The following PDE10A variants were observed in gnomAD, a reference collection of about 807,000 sequenced individuals.
The protein encoded by PDE10A is phosphodiesterase 10A, also known as cAMP and cAMP-inhibited cGMP 3',5'-cyclic phosphodiesterase 10A.
Under a neutral mutation model 97.7 loss-of-function variants are expected in PDE10A, and 39 were observed. That is an observed-to-expected ratio of 0.40 (90% CI 0.31 to 0.52). The LOEUF (loss-of-function observed/expected upper bound fraction) is 0.52. Ranked by LOEUF, PDE10A falls within the 20% of genes least tolerant of loss-of-function variation. The pLI is 0.56. For synonymous variants in PDE10A, 371 were observed against 376.8 expected (o/e 0.98, Z 0.18); for missense variants, 731 against 1,047.8 (o/e 0.70, Z 4.17).
At chr6:165,440,044 CA>C (rs1790316049) in intron 5 of PDE10A, among the ~76,000 whole-genome samples, 1 of 152,054 alleles carries the variant, frequency 6.6e-6, no homozygotes, top group African/African-American at 2.4e-5. Flanking sequence ...ATTTTGGAAA[CA>C]CTTCTTAAGA....
intron 1 of PDE10A, among the ~76,000 whole-genome samples, chr6:165,803,652 T>C (rs1779041380): frequency 6.6e-6 from 1 of 152,226 alleles, no homozygotes; most frequent in African/African-American, 2.4e-5. Context: ...GAGTGATGTC[T>C]CTGAGACAGT....
intron 15 of PDE10A, among the ~76,000 whole-genome samples, chr6:165,394,800 G>A (rs944929644): frequency 2.0e-5 from 3 of 152,054 alleles, no homozygotes; most frequent in Non-Finnish European, 4.4e-5. Context: ...GTTTTGATTT[G>A]CATTTCTCTA....
At chr6:165,592,446 C>A (rs1786333613) in intron 1 of PDE10A, among the ~76,000 whole-genome samples, 1 of 152,118 alleles carries the variant, frequency 6.6e-6, no homozygotes, top group Non-Finnish European at 1.5e-5. Context: ...CCAAAATTGA[C>A]AAATGGGATC....
chr6:165,932,811 CG>C (rs1387206192), intron 1 of PDE10A, among the ~76,000 whole-genome samples: 2 of 152,196 alleles, frequency 1.3e-5, no homozygotes, highest in Non-Finnish European at 2.9e-5. Flanking sequence ...TATGAGTTTC[CG>C]GGGGGCTTAG....
intron 2 of PDE10A, among the ~76,000 whole-genome samples, chr6:165,490,639 C>T (rs989375928): frequency 3.9e-5 from 6 of 152,162 alleles, no homozygotes; most frequent in Non-Finnish European, 5.9e-5. Context: ...AAATGTTCCA[C>T]TTAAAAGACA....
chr6:165,939,518 A>G (rs192254976), intron 1 of PDE10A: 21 of 152,102 alleles, frequency 1.4e-4, no homozygotes, highest in Admixed American at 5.2e-4. Flanking sequence ...TTTTATTTCA[A>G]TGGTTTTTGG....
intron 18 of PDE10A, among the ~76,000 whole-genome samples, chr6:165,359,849 C>T (rs1170633843): frequency 6.6e-6 from 1 of 152,014 alleles, no homozygotes; most frequent in Non-Finnish European, 1.5e-5. Context: ...AACGTAAACT[C>T]ATCCCAGTTT....
chr6:165,358,887 A>T (rs1783205952), intron 18 of PDE10A, among the ~76,000 whole-genome samples: 1 of 151,502 alleles, frequency 6.6e-6, no homozygotes, highest in Non-Finnish European at 1.5e-5. Context: ...AAAAAGAGCA[A>T]ATCTCTTTTT....
intron 1 of PDE10A, among the ~76,000 whole-genome samples, chr6:165,570,772 A>G (rs1785011983): frequency 6.6e-6 from 1 of 152,240 alleles, no homozygotes. Flanking sequence ...TAGTAATTAC[A>G]GTCGATTATT....
chr6:165,547,405 C>T (rs2128326472), intron 1 of PDE10A, among the ~76,000 whole-genome samples: 1 of 152,198 alleles, frequency 6.6e-6, no homozygotes, highest in East Asian at 1.9e-4. Flanking sequence ...TTAATTTTCG[C>T]AGTGCAATCT....
chr6:165,336,001 C>T (rs916333524), intron 21 of PDE10A, 122 bp downstream of exon 21: 7 of 803,692 alleles, frequency 8.7e-6, no homozygotes, highest in Non-Finnish European at 1.5e-5. Context: ...AGTCCCTGAG[C>T]ACAACAACTC....
intron 2 of PDE10A, among the ~76,000 whole-genome samples, chr6:165,499,616 T>C (rs1780749085): frequency 6.6e-6 from 1 of 152,204 alleles, no homozygotes; most frequent in Non-Finnish European, 1.5e-5. Flanking sequence ...CAATGAATAT[T>C]CATTTCCCTT....
intron 1 of PDE10A, among the ~76,000 whole-genome samples, chr6:165,802,709 A>G (rs1367182919): frequency 6.6e-6 from 1 of 152,138 alleles, no homozygotes; most frequent in Admixed American, 6.5e-5. Flanking sequence ...TGCAAGGTGG[A>G]TGTCTTTGAT....
rs188242574 is a variant in PDE10A at position 165,343,286 on chromosome 6, C to T, written c.2895+105G>A. The T allele has an allele frequency of 3.9e-5, 31 of 793,246 alleles. No homozygotes were observed. The Admixed American group carries it at 4.8e-4, about 12-fold the overall frequency. The allele number at this position is 793,246 out of a possible 1,614,324, so 49.1% of individuals were successfully genotyped here. The stretch of plus-strand genomic sequence containing the variant: ...CTTCAGTATGTGACTCACCACAGTT[C>T]TCTGAAATAACTATCAACATGAACA... On this transcript the variant is annotated intron_variant, in intron 19 of 21. Coordinates refer to ENST00000539869, the MANE Select transcript of PDE10A (RefSeq NM_001385079.1).
At chr6:165,599,802 G>A (rs1786828722) in intron 1 of PDE10A, among the ~76,000 whole-genome samples, 1 of 152,150 alleles carries the variant, frequency 6.6e-6, no homozygotes, top group African/African-American at 2.4e-5. Context: ...TGGTGAGCGG[G>A]CCTCCACGGC....
chr6:165,894,767 GATA>G (rs1781900519), intron 1 of PDE10A: 2 of 286,764 alleles, frequency 7.0e-6, no homozygotes, highest in Non-Finnish European at 1.4e-5. Flanking sequence ...AATATTATGT[GATA>G]ATATTATTTA....
intron 1 of PDE10A, among the ~76,000 whole-genome samples, chr6:165,767,432 C>A (rs1777884465): frequency 6.6e-6 from 1 of 152,184 alleles, no homozygotes; most frequent in Non-Finnish European, 1.5e-5. Context: ...CCGTTGGCAG[C>A]CACTCTCCAT....
intron 1 of PDE10A, among the ~76,000 whole-genome samples, chr6:165,651,728 T>C (rs1418851009): frequency 1.3e-5 from 2 of 152,212 alleles, no homozygotes; most frequent in African/African-American, 2.4e-5. Flanking sequence ...TTTCCTCATT[T>C]TTTTTCTTTT....
chr6:165,431,343 C>G (rs1789537920), intron 8 of PDE10A, 79 bp downstream of exon 8: 2 of 824,386 alleles, frequency 2.4e-6, no homozygotes, highest in Admixed American at 2.2e-5. Context: ...GACTTAACCT[C>G]TATTCCGGTC....
Sources: allele counts gnomAD v4.1 joint callset (sites outside exome capture counted in the v4.1 genomes callset), GRCh38; gene constraint gnomAD v4.1.1; transcripts MANE v1.5; gene names NCBI Gene and HGNC (gene_info 2026-07-23, HGNC 2026-07-21).